Variants in SCHIP1 observed in about 807,000 individuals in gnomAD.
SCHIP1 encodes schwannomin-interacting protein 1.
SCHIP1 carries 8 observed loss-of-function variants against 29.7 expected under a neutral mutation model. That is an observed-to-expected ratio of 0.27 (90% CI 0.16 to 0.49). SCHIP1 has a LOEUF of 0.49. SCHIP1 is among the 20% of genes least tolerant of loss of function. The pLI is 0.99. For synonymous variants in SCHIP1, 76 were observed against 94.9 expected (o/e 0.80, Z 1.16); for missense variants, 193 against 294.6 (o/e 0.66, Z 2.52).
At chr3:159,552,727 A>G in the SCHIP1 span, among the ~76,000 whole-genome samples, 5 of 152,356 alleles carry the variant, frequency 3.3e-5, no homozygotes, top group Admixed American at 2.6e-4. Context: ...AAACATAAGC[A>G]GACACAGGTC....
chr3:159,603,650 T>A, the SCHIP1 span, among the ~76,000 whole-genome samples: 1 of 152,230 alleles, frequency 6.6e-6, no homozygotes, highest in South Asian at 2.1e-4. Context: ...AGTATCCTGT[T>A]TTAAGGAATT....
chr3:159,632,042 A>T, the SCHIP1 span, among the ~76,000 whole-genome samples: 5 of 152,152 alleles, frequency 3.3e-5, no homozygotes, highest in Non-Finnish European at 7.3e-5. Context: ...AAAATATGGT[A>T]AGATTTTTTA....
chr3:159,870,403 T>C (rs1284369981), intron 2 of SCHIP1, among the ~76,000 whole-genome samples: 1 of 152,008 alleles, frequency 6.6e-6, no homozygotes, highest in Non-Finnish European at 1.5e-5. Context: ...CTCCCAGGTA[T>C]AACTTACAAA....
At chr3:159,545,868 A>G in the SCHIP1 span, among the ~76,000 whole-genome samples, 1 of 151,438 alleles carries the variant, frequency 6.6e-6, no homozygotes, top group Non-Finnish European at 1.5e-5. Flanking sequence ...AACAGTTAAT[A>G]TCTTGACAAT....
chr3:159,566,304 C>T, the SCHIP1 span, among the ~76,000 whole-genome samples: 7,663 of 152,212 alleles, frequency 0.05, 522 homozygotes, highest in African/African-American at 0.15. Flanking sequence ...ACAAACAATG[C>T]TGTCATAAAC....
At chr3:159,623,186 C>T in the SCHIP1 span, among the ~76,000 whole-genome samples, 3 of 151,566 alleles carry the variant, frequency 2.0e-5, no homozygotes, top group Non-Finnish European at 2.9e-5. Flanking sequence ...AAGTAAACTG[C>T]AAAATTGTAT....
chr3:159,740,806 C>T, the SCHIP1 span, among the ~76,000 whole-genome samples: 1 of 134,912 alleles, frequency 7.4e-6, no homozygotes, highest in African/African-American at 2.8e-5. Context: ...AAATGCTTTG[C>T]ATTAAGATAT....
chr3:159,835,642 A>T (rs781414235), upstream of SCHIP1, among the ~76,000 whole-genome samples: 4 of 152,176 alleles, frequency 2.6e-5, no homozygotes, highest in Non-Finnish European at 5.9e-5. Flanking sequence ...GGTAAATTTT[A>T]TGTACAAAGA....
chr3:159,522,270 A>G, the SCHIP1 span, among the ~76,000 whole-genome samples: 4 of 152,224 alleles, frequency 2.6e-5, no homozygotes, highest in Non-Finnish European at 5.9e-5. Context: ...TGTCAGAAGA[A>G]ATGGGCCTAA....
At chr3:159,782,066 G>A in the SCHIP1 span, among the ~76,000 whole-genome samples, 7 of 152,210 alleles carry the variant, frequency 4.6e-5, no homozygotes, top group African/African-American at 1.7e-4. Context: ...CACACCTGGA[G>A]AGCTCTCCTC....
At chr3:159,892,883 A>G (rs1289346121) in intron 6 of SCHIP1, 8 of 152,284 alleles carry the variant, frequency 5.3e-5, no homozygotes, top group Admixed American at 3.9e-4. Flanking sequence ...CTATGAGCAC[A>G]TATTTACTAT....
chr3:159,813,075 A>C, the SCHIP1 span, among the ~76,000 whole-genome samples: 11 of 152,218 alleles, frequency 7.2e-5, no homozygotes, highest in African/African-American at 2.4e-4. Flanking sequence ...TTCCTCAACC[A>C]AATGCCTCTT....
the SCHIP1 span, among the ~76,000 whole-genome samples, chr3:159,598,244 CT>C: frequency 2.6e-5 from 4 of 152,302 alleles, no homozygotes; most frequent in South Asian, 2.1e-4. Context: ...TCAAACATGC[CT>C]TCCCAACAGT....
At chr3:159,450,412 C>T in the SCHIP1 span, among the ~76,000 whole-genome samples, 100 of 152,276 alleles carry the variant, frequency 6.6e-4, no homozygotes, top group African/African-American at 2.3e-3. Context: ...CTTCTAAATC[C>T]GTAGTTTCAA....
the SCHIP1 span, among the ~76,000 whole-genome samples, chr3:159,365,690 G>T: frequency 9.2e-5 from 14 of 152,102 alleles, no homozygotes; most frequent in Non-Finnish European, 1.9e-4. Flanking sequence ...TCTGTCAGTA[G>T]CCCTCTATTC....
the SCHIP1 span, among the ~76,000 whole-genome samples, chr3:159,665,402 C>T: frequency 2.6e-5 from 4 of 152,166 alleles, no homozygotes; most frequent in African/African-American, 9.7e-5. Flanking sequence ...TCAAGCAGAA[C>T]TTGGTCTCTT....
chr3:159,589,248 A>C, the SCHIP1 span, among the ~76,000 whole-genome samples: 1 of 152,194 alleles, frequency 6.6e-6, no homozygotes, highest in African/African-American at 2.4e-5. Flanking sequence ...GAGTTCACTC[A>C]TGATTTGGCT....
chr3:159,880,516 AT>A (rs1386354048), intron 2 of SCHIP1, among the ~76,000 whole-genome samples: 1 of 152,186 alleles, frequency 6.6e-6, no homozygotes, highest in Non-Finnish European at 1.5e-5. Context: ...CCTAGTTTTT[AT>A]TTGCATCACT....
the SCHIP1 span, among the ~76,000 whole-genome samples, chr3:159,687,991 A>G: frequency 6.6e-6 from 1 of 152,168 alleles, no homozygotes; most frequent in East Asian, 1.9e-4. Context: ...TTCTTTATTC[A>G]GTCTAACATT....
Sources: allele counts gnomAD v4.1 joint callset (sites outside exome capture counted in the v4.1 genomes callset), GRCh38; gene constraint gnomAD v4.1.1; transcripts MANE v1.5; gene names NCBI Gene and HGNC (gene_info 2026-07-23, HGNC 2026-07-21).